DHRSX: variants seen among roughly 807,000 people sequenced by gnomAD.
The protein encoded by DHRSX is polyprenol dehydrogenase.
DHRSX carries 31 observed loss-of-function variants against 34.0 expected under a neutral mutation model. The ratio of observed to expected loss-of-function variants is 0.91; its 90% CI spans 0.69 to 1.23. The LOEUF is 1.23. Ranked by LOEUF, DHRSX falls within the 50% of genes most tolerant of loss-of-function variation. The probability of loss-of-function intolerance (pLI) is 0.00; values close to 1 mark genes in which losing one functional copy is unlikely to be tolerated. For missense variants in DHRSX, 414 were observed against 428.1 expected, an observed-to-expected ratio of 0.97 and a Z score of 0.29; for synonymous variants, 201 against 183.8, an observed-to-expected ratio of 1.09 and a Z score of -0.76.
chrX:2,477,794 G>A (rs867901529), intron 1 of DHRSX, among the ~76,000 whole-genome samples: 3 of 145,428 alleles, frequency 2.1e-5, no homozygotes, highest in African/African-American at 5.2e-5. Context: ...ACAGTGAGCC[G>A]AGATCCCTCC....
At chrX:2,240,692 T>C (rs1034241902) in intron 6 of DHRSX, among the ~76,000 whole-genome samples, 1 of 152,050 alleles carries the variant, frequency 6.6e-6, no homozygotes, top group African/African-American at 2.4e-5. Flanking sequence ...TGAAGGTGAA[T>C]CGTGGCGGTG....
At chrX:2,346,231 C>A (rs1248543797) in intron 3 of DHRSX, among the ~76,000 whole-genome samples, 2 of 101,642 alleles carry the variant, frequency 2.0e-5, no homozygotes, top group Non-Finnish European at 4.3e-5. Flanking sequence ...GGACACGCAG[C>A]TACAGAGGTG....
At chrX:2,432,236 G>C (rs939158041) in intron 1 of DHRSX, among the ~76,000 whole-genome samples, 5 of 151,608 alleles carry the variant, frequency 3.3e-5, no homozygotes, top group Non-Finnish European at 7.4e-5. Flanking sequence ...AATAGAAGTT[G>C]GAGGGGGAAA....
intron 3 of DHRSX, among the ~76,000 whole-genome samples, chrX:2,295,520 C>T (rs1287884781): frequency 6.6e-6 from 1 of 152,060 alleles, no homozygotes; most frequent in South Asian, 2.1e-4. Context: ...CACGTGTATA[C>T]CTATGTAACA....
chrX:2,319,524 CAG>C (rs1486329702), intron 3 of DHRSX, among the ~76,000 whole-genome samples: 16 of 118,644 alleles, frequency 1.3e-4, no homozygotes, highest in Non-Finnish European at 2.5e-4. Context: ...GCCTCGGTGA[CAG>C]AGTGAGACTC....
At chrX:2,468,922 C>A (rs1291162553) in intron 1 of DHRSX, among the ~76,000 whole-genome samples, 1 of 151,318 alleles carries the variant, frequency 6.6e-6, no homozygotes, top group African/African-American at 2.4e-5. Context: ...TGCCGTTGCA[C>A]ACTGAAGACG....
At chrX:2,358,824 C>G (rs56048312) in intron 3 of DHRSX, among the ~76,000 whole-genome samples, 17,617 of 151,724 alleles carry the variant, frequency 0.12, 1,347 homozygotes, top group Non-Finnish European at 0.17. Flanking sequence ...TAACTAAAGT[C>G]AAAAACCAAA....
chrX:2,360,670 G>C (rs1433586429), intron 3 of DHRSX, among the ~76,000 whole-genome samples: 2 of 151,926 alleles, frequency 1.3e-5, no homozygotes, highest in Non-Finnish European at 2.9e-5. Flanking sequence ...TATTAATCTA[G>C]GATGGTAATG....
chrX:2,238,471 T>C (rs1198130645), intron 6 of DHRSX, among the ~76,000 whole-genome samples: 1 of 152,058 alleles, frequency 6.6e-6, no homozygotes, highest in Non-Finnish European at 1.5e-5. Flanking sequence ...AGGATAGAGG[T>C]TTCAGAGTGA....
intron 4 of DHRSX, among the ~76,000 whole-genome samples, chrX:2,270,893 A>G (rs112779902): frequency 3.3e-4 from 37 of 112,732 alleles, no homozygotes; most frequent in Admixed American, 8.7e-4. Context: ...TCAATGCTCT[A>G]TAAAATGGAC....
chrX:2,229,608 G>A (rs1382084869), intron 6 of DHRSX, among the ~76,000 whole-genome samples: 2 of 152,012 alleles, frequency 1.3e-5, no homozygotes, highest in Non-Finnish European at 2.9e-5. Flanking sequence ...TTATGTGGAT[G>A]TGTGTGTACT....
chrX:2,482,129 C>CTTTTTTTT (rs1356975147), intron 1 of DHRSX, among the ~76,000 whole-genome samples: 6 of 129,840 alleles, frequency 4.6e-5, no homozygotes, highest in African/African-American at 1.5e-4. Context: ...CCACGTCTGG[C>CTTTTTTTT]TTTTTTTTTT....
At chrX:2,412,663 G>C (rs186051571) in intron 2 of DHRSX, among the ~76,000 whole-genome samples, 3 of 152,180 alleles carry the variant, frequency 2.0e-5, no homozygotes, top group African/African-American at 7.2e-5. Context: ...ATTCACAAGA[G>C]CCAAGATATG....
intron 2 of DHRSX, among the ~76,000 whole-genome samples, chrX:2,410,037 C>A (rs2043606190): frequency 6.6e-6 from 1 of 152,222 alleles, no homozygotes; most frequent in South Asian, 2.1e-4. Context: ...GGCCTGGTTT[C>A]TTTAATGTCT....
At chrX:2,480,094 T>C (rs2044746659) in intron 1 of DHRSX, among the ~76,000 whole-genome samples, 1 of 152,046 alleles carries the variant, frequency 6.6e-6, no homozygotes, top group South Asian at 2.1e-4. Flanking sequence ...TACTAACAGT[T>C]TCCAAGATAT....
intron 1 of DHRSX, among the ~76,000 whole-genome samples, chrX:2,432,352 A>G (rs1047122074): frequency 1.6e-4 from 24 of 152,322 alleles, no homozygotes; most frequent in African/African-American, 4.6e-4. Context: ...TTTTAGGCAA[A>G]CTGGACGAAT....
chrX:2,470,734 T>G (rs1170239602), intron 1 of DHRSX, among the ~76,000 whole-genome samples: 4 of 152,150 alleles, frequency 2.6e-5, no homozygotes. Context: ...TAAAATTAAT[T>G]TTTTTCAGTT....
At chrX:2,450,340 T>C (rs1289130077) in intron 1 of DHRSX, among the ~76,000 whole-genome samples, 8 of 152,060 alleles carry the variant, frequency 5.3e-5, no homozygotes, top group African/African-American at 1.7e-4. Context: ...TAAAATTTAG[T>C]AATCCAAACT....
At chrX:2,486,148 C>CA (rs1355282176) in intron 1 of DHRSX, among the ~76,000 whole-genome samples, 2 of 151,954 alleles carry the variant, frequency 1.3e-5, no homozygotes, top group Non-Finnish European at 1.5e-5. Context: ...AAGGAACCGG[C>CA]AAAAATCTCT....
Sources: allele counts gnomAD v4.1 joint callset (sites outside exome capture counted in the v4.1 genomes callset), GRCh38; gene constraint gnomAD v4.1.1; transcripts MANE v1.5; gene names NCBI Gene and HGNC (gene_info 2026-07-23, HGNC 2026-07-21).